TSPAN5: variants seen among roughly 807,000 people sequenced by gnomAD.
The protein encoded by TSPAN5 is tetraspanin-5.
In TSPAN5, 10 loss-of-function variants were observed where a neutral mutation model predicts 37.1. The observed-to-expected ratio is 0.27, with a 90% CI of 0.17 to 0.46. TSPAN5 has a LOEUF of 0.46. Among genes scored for constraint, TSPAN5 ranks in the 20% least tolerant of loss-of-function variants. TSPAN5 has a pLI of 1.00. For missense variants in TSPAN5, 195 were observed against 326.6 expected (o/e 0.60, Z 3.11); for synonymous variants, 110 against 118.9 (o/e 0.93, Z 0.48).
intron 1 of TSPAN5, among the ~76,000 whole-genome samples, chr4:98,648,072 A>C (rs149828268): frequency 7.0e-4 from 106 of 152,316 alleles, no homozygotes; most frequent in African/African-American, 2.6e-3. Flanking sequence ...TTCCACATTG[A>C]AGCTTTCTAA....
intron 1 of TSPAN5, among the ~76,000 whole-genome samples, chr4:98,634,142 T>G (rs1211649197): frequency 1.3e-5 from 2 of 152,066 alleles, no homozygotes; most frequent in African/African-American, 4.8e-5. Context: ...ACTAACAACT[T>G]CTATGTTTAT....
chr4:98,497,744 C>T (rs1753247755), intron 2 of TSPAN5, among the ~76,000 whole-genome samples: 1 of 152,126 alleles, frequency 6.6e-6, no homozygotes, highest in African/African-American at 2.4e-5. Flanking sequence ...CAGTGACACC[C>T]TCAGGAGCTG....
chr4:98,640,777 G>A (rs767264891), intron 1 of TSPAN5, among the ~76,000 whole-genome samples: 4 of 152,144 alleles, frequency 2.6e-5, no homozygotes, highest in African/African-American at 9.7e-5. Flanking sequence ...TTGAGGGTCC[G>A]GACACTGACA....
intron 1 of TSPAN5, among the ~76,000 whole-genome samples, chr4:98,598,591 AG>A (rs1161613225): frequency 6.6e-6 from 1 of 152,124 alleles, no homozygotes; most frequent in East Asian, 1.9e-4. Context: ...CAGCCTCCCA[AG>A]TAGCTGGCAC....
At chr4:98,485,946 A>C (rs1752949606) in intron 3 of TSPAN5, among the ~76,000 whole-genome samples, 1 of 151,904 alleles carries the variant, frequency 6.6e-6, no homozygotes, top group Non-Finnish European at 1.5e-5. Flanking sequence ...GTTCTTAGAA[A>C]GGGGAATGGA....
chr4:98,530,213 T>A (rs924629622), intron 1 of TSPAN5, among the ~76,000 whole-genome samples: 2 of 152,096 alleles, frequency 1.3e-5, no homozygotes, highest in African/African-American at 2.4e-5. Context: ...CCAGAGCAAA[T>A]GAGAGACAGT....
At chr4:98,644,054 A>G (rs926282336) in intron 1 of TSPAN5, among the ~76,000 whole-genome samples, 1 of 152,164 alleles carries the variant, frequency 6.6e-6, no homozygotes, top group Non-Finnish European at 1.5e-5. Flanking sequence ...CTGTTACTGA[A>G]TTACAACTCC....
intron 7 of TSPAN5, among the ~76,000 whole-genome samples, chr4:98,474,762 C>G (rs574146218): frequency 1.3e-3 from 198 of 152,296 alleles, no homozygotes; most frequent in South Asian, 5.0e-3. Context: ...CAGCTTCAAC[C>G]TTCTGGGCTC....
chr4:98,575,620 C>G (rs893519403), intron 1 of TSPAN5, among the ~76,000 whole-genome samples: 3 of 151,992 alleles, frequency 2.0e-5, no homozygotes, highest in Admixed American at 6.6e-5. Context: ...TCCTCAGAAA[C>G]AAAAACAACA....
chr4:98,650,227 G>A (rs189330936), intron 1 of TSPAN5, among the ~76,000 whole-genome samples: 6 of 152,228 alleles, frequency 3.9e-5, no homozygotes, highest in South Asian at 2.1e-4. Context: ...GAGGCTCTTC[G>A]CCTTCTCCTT....
At chr4:98,622,369 A>G (rs1390582781) in intron 1 of TSPAN5, among the ~76,000 whole-genome samples, 1 of 152,220 alleles carries the variant, frequency 6.6e-6, no homozygotes, top group African/African-American at 2.4e-5. Flanking sequence ...AAACCACTGC[A>G]TCCAGCCTCA....
At chr4:98,545,198 C>T (rs1754443119) in intron 1 of TSPAN5, among the ~76,000 whole-genome samples, 1 of 152,228 alleles carries the variant, frequency 6.6e-6, no homozygotes, top group Non-Finnish European at 1.5e-5. Context: ...CCTAGAGCAG[C>T]TGGTGGCTGT....
chr4:98,473,442 C>T (rs2110250632), intron 7 of TSPAN5, among the ~76,000 whole-genome samples: 1 of 149,950 alleles, frequency 6.7e-6, no homozygotes, highest in Non-Finnish European at 1.5e-5. Flanking sequence ...TTTTCATGTG[C>T]TTATTAGCCA....
At chr4:98,489,408 G>C (rs777552167) in intron 2 of TSPAN5, among the ~76,000 whole-genome samples, 18 of 152,180 alleles carry the variant, frequency 1.2e-4, no homozygotes, top group Non-Finnish European at 2.1e-4. Flanking sequence ...GAGAGCACAG[G>C]GGGAGGGACA....
At chr4:98,629,315 C>T (rs1316608872) in intron 1 of TSPAN5, among the ~76,000 whole-genome samples, 4 of 152,158 alleles carry the variant, frequency 2.6e-5, no homozygotes, top group Admixed American at 1.3e-4. Context: ...CTCTGTGCCT[C>T]GATGTCCTCA....
intron 1 of TSPAN5, among the ~76,000 whole-genome samples, chr4:98,568,416 C>T (rs1755053924): frequency 6.6e-6 from 1 of 152,130 alleles, no homozygotes; most frequent in Non-Finnish European, 1.5e-5. Flanking sequence ...GTGGCACGTG[C>T]CTGTAGTCCC....
chr4:98,472,698 A>G (rs1752615964), intron 7 of TSPAN5, 111 bp from the exon 8 acceptor site: 6 of 895,866 alleles, frequency 6.7e-6, no homozygotes, highest in Non-Finnish European at 8.6e-6. Context: ...GATGTAATTC[A>G]TATGTGGTAA....
intron 1 of TSPAN5, among the ~76,000 whole-genome samples, chr4:98,582,184 C>T (rs893366385): frequency 6.6e-6 from 1 of 152,208 alleles, no homozygotes; most frequent in Non-Finnish European, 1.5e-5. Flanking sequence ...TTGCGGTTCT[C>T]TTGTCCAGCG....
intron 1 of TSPAN5, among the ~76,000 whole-genome samples, chr4:98,529,973 C>T (rs965114148): frequency 3.3e-5 from 5 of 152,178 alleles, no homozygotes; most frequent in Non-Finnish European, 5.9e-5. Context: ...AGCACAAAAC[C>T]CAGCTTTGGT....
Sources: allele counts gnomAD v4.1 joint callset (sites outside exome capture counted in the v4.1 genomes callset), GRCh38; gene constraint gnomAD v4.1.1; transcripts MANE v1.5; gene names NCBI Gene and HGNC (gene_info 2026-07-23, HGNC 2026-07-21).